The following PTPRD variants were observed in gnomAD, a reference collection of about 807,000 sequenced individuals.
PTPRD encodes receptor-type tyrosine-protein phosphatase delta.
Under a neutral mutation model 214.5 loss-of-function variants are expected in PTPRD, and 34 were observed. The ratio of observed to expected loss-of-function variants is 0.16; its 90% confidence interval spans 0.12 to 0.21. The LOEUF is 0.21. Ranked by LOEUF, PTPRD falls within the 10% of genes least tolerant of loss-of-function variation. The pLI, the probability that PTPRD is intolerant of heterozygous loss-of-function variation, is 1.00. For synonymous variants in PTPRD, 1,128 were observed against 845.7 expected (o/e 1.33, Z -5.79); for missense variants, 2,545 against 2,398.7 (o/e 1.06, Z -1.27).
At chr9:9,586,998 A>G (rs1449416540) in intron 7 of PTPRD, among the ~76,000 whole-genome samples, 2 of 152,006 alleles carry the variant, frequency 1.3e-5, no homozygotes, top group Non-Finnish European at 2.9e-5. Context: ...GTGATGTTGA[A>G]TTAAGGAAGC....
intron 5 of PTPRD, among the ~76,000 whole-genome samples, chr9:9,776,524 G>A (rs1173881955): frequency 2.0e-5 from 3 of 152,038 alleles, no homozygotes. Context: ...AACATCTGTT[G>A]AATGGATATG....
In PTPRD at chr9:9,371,007, G is replaced by C. The variant is rs1354819821; in HGVS notation, c.-203+26442C>G. Among the ~76,000 whole-genome samples the C allele has an allele frequency of 3.9e-5, 6 of 151,990 alleles. No individual in the cohort carries two copies. In the East Asian group the frequency reaches 9.7e-4, roughly 25 times the overall value. ...AGTTTTTTGATGTGCTGCTGGATTC[G>C]TTTTGCCAGAATTTTATTGAGGATT... is the stretch of plus-strand genomic sequence containing the variant. On this transcript the variant is annotated intron_variant, in intron 9 of 45. Transcript: ENST00000381196.
chr9:10,441,013 C>T (rs1169061124), intron 2 of PTPRD, among the ~76,000 whole-genome samples: 1 of 151,662 alleles, frequency 6.6e-6, no homozygotes, highest in Non-Finnish European at 1.5e-5. Flanking sequence ...AAAAATATTT[C>T]ACAGAGTGAA....
At chr9:9,939,764 C>A (rs542285869) in intron 4 of PTPRD, among the ~76,000 whole-genome samples, 1 of 152,210 alleles carries the variant, frequency 6.6e-6, no homozygotes, top group East Asian at 1.9e-4. Context: ...TGCTAATACT[C>A]ATTTAGCTTA....
intron 4 of PTPRD, among the ~76,000 whole-genome samples, chr9:10,029,569 G>A (rs972733323): frequency 2.6e-5 from 4 of 152,212 alleles, no homozygotes; most frequent in South Asian, 4.1e-4. Flanking sequence ...TGCCCTGCTG[G>A]ATTTTGGATT....
chr9:10,521,867 T>A (rs970369022), intron 2 of PTPRD, among the ~76,000 whole-genome samples: 1 of 152,196 alleles, frequency 6.6e-6, no homozygotes, highest in Non-Finnish European at 1.5e-5. Context: ...AGTTTAGTCA[T>A]AATCATTATA....
intron 39 of PTPRD, among the ~76,000 whole-genome samples, chr9:8,367,248 G>T (rs2080172126): frequency 6.6e-6 from 1 of 151,912 alleles, no homozygotes; most frequent in African/African-American, 2.4e-5. Context: ...TAAGTTAGAA[G>T]CTTTGAGGTG....
chr9:10,482,176 C>T (rs1294734565), intron 2 of PTPRD, among the ~76,000 whole-genome samples: 44 of 152,046 alleles, frequency 2.9e-4, no homozygotes, highest in South Asian at 8.3e-4. Flanking sequence ...TTGAGACCAG[C>T]CCGGCTAACA....
At chr9:9,717,836 T>A (rs958936051) in intron 7 of PTPRD, among the ~76,000 whole-genome samples, 7 of 152,194 alleles carry the variant, frequency 4.6e-5, no homozygotes, top group African/African-American at 1.4e-4. Context: ...ACAAACCACT[T>A]GATACTTTTA....
intron 3 of PTPRD, among the ~76,000 whole-genome samples, chr9:10,142,488 A>G (rs1475373989): frequency 1.3e-5 from 2 of 152,178 alleles, no homozygotes; most frequent in East Asian, 1.9e-4. Flanking sequence ...ACTTCTCAAA[A>G]GAAGACATTT....
At chr9:9,080,940 A>G (rs1488127058) in intron 10 of PTPRD, among the ~76,000 whole-genome samples, 1 of 152,112 alleles carries the variant, frequency 6.6e-6, no homozygotes, top group Non-Finnish European at 1.5e-5. Context: ...TTTTCAAAAA[A>G]ACAGCTCCTG....
chr9:9,444,211 A>C (rs2089513671), intron 8 of PTPRD, among the ~76,000 whole-genome samples: 1 of 152,152 alleles, frequency 6.6e-6, no homozygotes, highest in Non-Finnish European at 1.5e-5. Context: ...TGAACAACTA[A>C]TTTGATAGGA....
chr9:8,391,488 T>C (rs1400895461), intron 36 of PTPRD, among the ~76,000 whole-genome samples: 1 of 152,156 alleles, frequency 6.6e-6, no homozygotes, highest in African/African-American at 2.4e-5. Context: ...TAGATTCAAA[T>C]GACGGTTTAA....
intron 2 of PTPRD, among the ~76,000 whole-genome samples, chr9:10,343,045 G>T (rs143331556): frequency 6.6e-6 from 1 of 152,070 alleles, no homozygotes; most frequent in Non-Finnish European, 1.5e-5. Context: ...TGATACCTAG[G>T]TACACATGTG....
intron 14 of PTPRD, among the ~76,000 whole-genome samples, chr9:8,558,207 A>T (rs540966196): frequency 6.6e-6 from 1 of 152,326 alleles, no homozygotes; most frequent in East Asian, 1.9e-4. Flanking sequence ...TTCCTCCAGG[A>T]TCATTAATTA....
chr9:10,060,554 G>A (rs148483103), intron 3 of PTPRD, among the ~76,000 whole-genome samples: 103 of 152,048 alleles, frequency 6.8e-4, no homozygotes, highest in Middle Eastern at 3.4e-3. Flanking sequence ...TGACAGAAAT[G>A]TGTCAAAGTA....
At chr9:9,841,200 G>T (rs190614605) in intron 5 of PTPRD, among the ~76,000 whole-genome samples, 1 of 152,250 alleles carries the variant, frequency 6.6e-6, no homozygotes, top group African/African-American at 2.4e-5. Flanking sequence ...GGGGATAGGA[G>T]TAGTGGTAGT....
chr9:9,998,129 A>ATATATATATATATTT (rs1555449230), intron 4 of PTPRD, among the ~76,000 whole-genome samples: 8 of 91,498 alleles, frequency 8.7e-5, no homozygotes, highest in African/African-American at 4.7e-4. Context: ...AAAAAAAAAA[A>ATATATATATATATTT]ATATATATAT....
chr9:10,278,409 T>A (rs921124996), intron 3 of PTPRD, among the ~76,000 whole-genome samples: 8 of 152,124 alleles, frequency 5.3e-5, no homozygotes, highest in Non-Finnish European at 1.0e-4. Context: ...GGAGGTGAGC[T>A]TGAGGTCAGT....
Sources: gnomAD v4.1 joint callset for allele counts (sites outside exome capture counted in the v4.1 genomes callset) on GRCh38, gnomAD v4.1.1 for gene constraint, MANE v1.5 for transcripts, NCBI Gene and HGNC (gene_info 2026-07-23, HGNC 2026-07-21) for gene names.